The following COL27A1 variants were observed in gnomAD, a reference collection of about 807,000 sequenced individuals.
COL27A1 encodes the protein collagen alpha-1(XXVII) chain.
In COL27A1, 106 loss-of-function variants were observed where a neutral mutation model predicts 251.3. That is an observed-to-expected ratio of 0.42 (90% CI 0.36 to 0.50). The LOEUF is 0.50. Ranked by LOEUF, COL27A1 falls within the 20% of genes least tolerant of loss-of-function variation. The probability of loss-of-function intolerance (pLI) is 0.00; values close to 1 mark genes in which losing one functional copy is unlikely to be tolerated. For missense variants in COL27A1, 2,325 were observed against 2,522.8 expected (o/e 0.92, Z 1.68); for synonymous variants, 1,000 against 986.3 (o/e 1.01, Z -0.26).
chr9:114,279,617 T>C (rs1026042977), intron 37 of COL27A1, among the ~76,000 whole-genome samples: 1 of 152,046 alleles, frequency 6.6e-6, no homozygotes, highest in Non-Finnish European at 1.5e-5. Context: ...GGTGGGAGGA[T>C]TGTTTGAGCC....
At chr9:114,231,766 C>G in intron 15 of COL27A1, 56 bp from the exon 16 acceptor site, 1 of 1,591,832 alleles carries the variant, frequency 6.3e-7, no homozygotes, top group Non-Finnish European at 8.6e-7. Context: ...AGCCAGGGCT[C>G]CTGACTTCTG....
chr9:114,162,422 G>T (rs1186713603), intron 1 of COL27A1, among the ~76,000 whole-genome samples: 3 of 152,226 alleles, frequency 2.0e-5, no homozygotes, highest in African/African-American at 7.2e-5. Context: ...AATGACCAGG[G>T]CAGGGCTTTC....
intron 17 of COL27A1, 67 bp downstream of exon 17, chr9:114,235,719 T>C: frequency 8.2e-7 from 1 of 1,222,236 alleles, no homozygotes. Context: ...TGGTCTTGGC[T>C]TCCTTCCTAG....
Position 114,168,900 on chromosome 9 carries a change from T to C in COL27A1, c.1345T>C (p.Ser449Pro), listed in dbSNP as rs750540306. 29 of 1,612,906 alleles carry C rather than the reference T, an allele frequency of 1.8e-5. No homozygotes were observed. In the African/African-American group the frequency reaches 3.0e-4, roughly 16 times the overall value. Residue 449 changes from serine to proline, a missense_variant, in exon 3 of 61, where the codon TCC (serine) becomes CCC (proline). Physicochemically the swap from Ser to Pro is moderately conservative, Grantham distance 74 (BLOSUM62 -1). Around this residue, in one of 4 missense-constraint regions of COL27A1, gnomAD observed 1,183 missense variants for 1,144.1 expected, o/e 1.03. Coordinates refer to ENST00000356083, the MANE Select transcript of COL27A1 (RefSeq NM_032888.4). ...STRPLPPTTSSSKKPIPTLAR... is the reference protein window; with the variant it reads ...STRPLPPTTSPSKKPIPTLAR... ...CCGGCCCCTACCTCCTACCACCAGCTCCTCTAAAAAACCCATTCCCACACT... is the reference window on the plus strand; with the variant it reads ...CCGGCCCCTACCTCCTACCACCAGCCCCTCTAAAAAACCCATTCCCACACT...
At chr9:114,182,514 A>G (rs1263990781) in intron 4 of COL27A1, among the ~76,000 whole-genome samples, 1 of 152,020 alleles carries the variant, frequency 6.6e-6, no homozygotes, top group African/African-American at 2.4e-5. Context: ...AGATGAGGGA[A>G]CAGCATGGGC....
At position 114,275,551 on chromosome 9, in the gene COL27A1, A is replaced by G. The variant is rs1035099932; in HGVS notation, c.3610-110A>G. 2.7e-5 allele frequency: 18 copies of G among 671,030 alleles called. No individual in the cohort carries two copies. In the African/African-American group the frequency reaches 2.9e-4, roughly 11 times the overall value. The allele number at this position is 671,030 out of a possible 1,614,324, so 41.6% of individuals were successfully genotyped here. A position where few individuals can be genotyped will look rare whatever the true frequency, so the allele number is the denominator to read the frequency against. On this transcript the variant is annotated intron_variant, in intron 36 of 60. Coordinates refer to ENST00000356083, the MANE Select transcript of COL27A1 (RefSeq NM_032888.4). ...AGAGGGAACTATCGAGAATCTAGGG[A>G]CCAGTTGGCTGTGGATGCCTGAATG...
chr9:114,186,091 G>A (rs1828318373), intron 5 of COL27A1, among the ~76,000 whole-genome samples: 1 of 152,218 alleles, frequency 6.6e-6, no homozygotes, highest in Non-Finnish European at 1.5e-5. Context: ...CTGCCAGAAG[G>A]AGCTTTGTCA....
chr9:114,204,184 G>T (rs999923217), intron 7 of COL27A1, among the ~76,000 whole-genome samples: 6 of 152,134 alleles, frequency 3.9e-5, no homozygotes, highest in Non-Finnish European at 7.3e-5. Context: ...CTTATCTGAA[G>T]TTCAGAGAAG....
intron 36 of COL27A1, chr9:114,273,056 T>G (rs953333922): frequency 2.6e-5 from 4 of 152,224 alleles, no homozygotes; most frequent in African/African-American, 9.7e-5. Context: ...CCCCAGAGAC[T>G]GTTCTGCATG....
intron 27 of COL27A1, 66 bp from the exon 28 acceptor site, chr9:114,258,475 C>G: frequency 6.6e-7 from 1 of 1,504,260 alleles, no homozygotes; most frequent in Non-Finnish European, 9.1e-7. Context: ...CCCCACACTC[C>G]CAGCCCCCCG....
chr9:114,154,729 A>C (rs1449707702), upstream of COL27A1, among the ~76,000 whole-genome samples: 1 of 151,926 alleles, frequency 6.6e-6, no homozygotes, highest in African/African-American at 2.4e-5. The surrounding 1 kb of genome is among the most constrained non-coding windows in gnomAD (Gnocchi z 5.8). Context: ...CCAGAATGGG[A>C]CCGTGTGTGA....
At chr9:114,202,016 G>A (rs985444965) in intron 7 of COL27A1, among the ~76,000 whole-genome samples, 1 of 152,234 alleles carries the variant, frequency 6.6e-6, no homozygotes, top group Admixed American at 6.5e-5. Context: ...TGGCAAATGT[G>A]TATGGTAATT....
chr9:114,178,684 A>T (rs1439304360), intron 4 of COL27A1, among the ~76,000 whole-genome samples: 1 of 151,526 alleles, frequency 6.6e-6, no homozygotes, highest in East Asian at 1.9e-4. Flanking sequence ...GGAATATATG[A>T]CCCTTGCATC....
In COL27A1 at chr9:114,160,376, T is replaced by G. The variant is rs559379244; in HGVS notation, c.63-2339T>G. 6.6e-5 allele frequency among the ~76,000 whole-genome samples: 10 copies of G among 152,156 alleles called. No homozygotes were observed. In the East Asian group the frequency reaches 1.9e-3, roughly 29 times the overall value. On this transcript the variant is annotated intron_variant, in intron 1 of 60. Coordinates refer to ENST00000356083, the MANE Select transcript of COL27A1 (RefSeq NM_032888.4). ...TTCGCTGTGTTAGCCAGGATGGTCT[T>G]GATCTCCTGACCTCATGATCCGCCT...
chr9:114,210,415 C>T (rs1317571233), intron 11 of COL27A1, among the ~76,000 whole-genome samples: 2 of 152,126 alleles, frequency 1.3e-5, no homozygotes, highest in African/African-American at 4.8e-5. Context: ...GTGGGGACAG[C>T]AAGAGCAGGT....
At chr9:114,154,250 C>G (rs1003167979), upstream of COL27A1, among the ~76,000 whole-genome samples, 2 of 152,030 alleles carry the variant, frequency 1.3e-5, no homozygotes, top group African/African-American at 4.8e-5. This position sits in a 1 kb window ranked among gnomAD's most constrained non-coding sequence, Gnocchi z 5.8. Flanking sequence ...GCCCGCGCCC[C>G]GTTTAGGGAA....
chr9:114,250,568 C>G, intron 24 of COL27A1, 47 bp from the exon 25 acceptor site: 1 of 1,571,296 alleles, frequency 6.4e-7, no homozygotes. Context: ...AGGGCTGGGT[C>G]CCCGGATTCA....
At chr9:114,202,691 C>T (rs1829660504) in intron 7 of COL27A1, among the ~76,000 whole-genome samples, 1 of 152,170 alleles carries the variant, frequency 6.6e-6, no homozygotes, top group Non-Finnish European at 1.5e-5. Context: ...TCCTGTGTTC[C>T]CTCCAAGCCA....
At chr9:114,310,365 A>C (rs1829362867) in intron 60 of COL27A1, among the ~76,000 whole-genome samples, 184 bp from the exon 61 acceptor site, 1 of 152,200 alleles carries the variant, frequency 6.6e-6, no homozygotes, top group Non-Finnish European at 1.5e-5. Flanking sequence ...AGTGATGTTC[A>C]TGACAGCATT....
Sources: gnomAD v4.1 joint callset for allele counts (sites outside exome capture counted in the v4.1 genomes callset) on GRCh38, gnomAD v4.1.1 for gene constraint, gnomAD v4.1.1 regional missense constraint, Gnocchi (gnomAD v3.1) non-coding constraint, MANE v1.5 for transcripts, NCBI Gene and HGNC (gene_info 2026-07-23, HGNC 2026-07-21) for gene names.